Variants in SIAH3 observed in about 807,000 individuals in gnomAD.
SIAH3 encodes the protein seven in absentia homolog 3.
SIAH3 carries 9 observed loss-of-function variants against 12.6 expected under a neutral mutation model. The ratio of observed to expected loss-of-function variants is 0.72; its 90% CI spans 0.43 to 1.25. SIAH3 has a LOEUF of 1.25. SIAH3 is among the 50% of genes most tolerant of loss of function. SIAH3 has a pLI of 0.00. For synonymous variants in SIAH3, 154 were observed against 151.1 expected (o/e 1.02, Z -0.14); for missense variants, 390 against 365.4 (o/e 1.07, Z -0.55).
chr13:45,841,383 C>T (rs942734116), intron 1 of SIAH3, among the ~76,000 whole-genome samples: 1 of 152,186 alleles, frequency 6.6e-6, no homozygotes, highest in Non-Finnish European at 1.5e-5. Flanking sequence ...CTGCAGTGGC[C>T]CATCTCTTCT....
At chr13:45,834,856 C>T (rs946892404) in intron 1 of SIAH3, among the ~76,000 whole-genome samples, 1 of 152,122 alleles carries the variant, frequency 6.6e-6, no homozygotes, top group Non-Finnish European at 1.5e-5. Flanking sequence ...GCCTCAGATC[C>T]CTCATCTATA....
rs1045490838 is a variant in SIAH3, at chr13:45,781,025, GATA to G, written c.*2355_*2357del. On this transcript the variant is annotated 3_prime_UTR_variant, in exon 2 of 2. Transcript: ENST00000400405. The stretch of plus-strand genomic sequence containing the variant: ...CTTTTGGGGAGCACCATAGATGGAA[GATA>G]ATAATACATTTCCCATGCTTTGTCC... 2 of 152,580 alleles carry G rather than the reference GATA, an allele frequency of 1.3e-5. No individual in the cohort carries two copies. The highest frequency in any genetic ancestry group is 2.9e-5 in the Non-Finnish European group (2 of 68,030). The allele number at this position is 152,580 out of a possible 1,614,324, so 9.5% of individuals were successfully genotyped here.
At chr13:45,812,914 G>C (rs1042814750) in intron 1 of SIAH3, among the ~76,000 whole-genome samples, 1 of 152,250 alleles carries the variant, frequency 6.6e-6, no homozygotes, top group Non-Finnish European at 1.5e-5. Context: ...AAAGGTGCAA[G>C]TCTCCTCCTG....
chr13:45,801,291 A>C (rs1186268879), intron 1 of SIAH3, among the ~76,000 whole-genome samples: 1 of 152,240 alleles, frequency 6.6e-6, no homozygotes, highest in Non-Finnish European at 1.5e-5. Flanking sequence ...GGTCAGAAAC[A>C]ATAGAGGAAC....
intron 1 of SIAH3, among the ~76,000 whole-genome samples, chr13:45,826,598 C>T (rs1394217518): frequency 4.6e-5 from 7 of 152,102 alleles, no homozygotes; most frequent in Admixed American, 4.6e-4. Context: ...TACCTTATCA[C>T]GTGCCTCCTG....
intron 1 of SIAH3, among the ~76,000 whole-genome samples, chr13:45,841,737 G>A (rs1950740747): frequency 6.6e-6 from 1 of 152,190 alleles, no homozygotes; most frequent in African/African-American, 2.4e-5. Context: ...GATCCATCCT[G>A]CTGTTTGAAG....
chr13:45,790,477 A>G (rs1471971270), intron 1 of SIAH3, among the ~76,000 whole-genome samples: 38 of 152,306 alleles, frequency 2.5e-4, no homozygotes, highest in Non-Finnish European at 5.9e-5. Context: ...CTGAAAAAAA[A>G]AATACATCTC....
In SIAH3 at chr13:45,784,411, T is replaced by TG. The variant is rs201113258; in HGVS notation, c.136-355_136-354insC. Among the ~76,000 whole-genome samples, 531 of 150,086 alleles carry TG rather than the reference T, an allele frequency of 3.5e-3. 3 individuals are homozygous for TG. The highest frequency in any genetic ancestry group is 9.6e-3 in the East Asian group (49 of 5,098). ...ACAAAGACAGCTGTTTTTTTTTTTT[T>TG]TTTTTTTTTTGCTTTTTTGATATTG... On this transcript the variant is annotated intron_variant, in intron 1 of 1. Coordinates refer to ENST00000400405, the MANE Select transcript of SIAH3 (RefSeq NM_198849.3).
At chr13:45,851,272 G>T (rs1239343225) in intron 1 of SIAH3, among the ~76,000 whole-genome samples, 2 of 152,066 alleles carry the variant, frequency 1.3e-5, no homozygotes, top group Admixed American at 1.3e-4. Flanking sequence ...CATCAATCCA[G>T]CTTTTCCTGC....
chr13:45,792,500 G>A (rs1950549127), intron 1 of SIAH3, among the ~76,000 whole-genome samples: 1 of 152,042 alleles, frequency 6.6e-6, no homozygotes, highest in African/African-American at 2.4e-5. Context: ...TGGGATTACA[G>A]ACAGGTGCCA....
intron 1 of SIAH3, among the ~76,000 whole-genome samples, chr13:45,802,216 G>A (rs574416864): frequency 8.5e-5 from 13 of 152,300 alleles, no homozygotes; most frequent in African/African-American, 3.1e-4. Context: ...TGAGGCAAGA[G>A]AACCTCTTGA....
intron 1 of SIAH3, among the ~76,000 whole-genome samples, chr13:45,838,150 G>A (rs7334191): frequency 0.044 from 6,554 of 149,100 alleles, 443 homozygotes; most frequent in African/African-American, 0.15. Flanking sequence ...CTTCTCATCT[G>A]ACAGATGAAG....
intron 1 of SIAH3, among the ~76,000 whole-genome samples, chr13:45,806,196 C>T (rs993040183): frequency 3.3e-5 from 5 of 152,128 alleles, no homozygotes; most frequent in African/African-American, 1.2e-4. Context: ...TACCATTTGA[C>T]CCAGCAATTC....
intron 1 of SIAH3, among the ~76,000 whole-genome samples, chr13:45,784,396 C>CTTTTTTTTTTTT (rs1555256292): frequency 2.0e-5 from 2 of 102,014 alleles, no homozygotes; most frequent in Admixed American, 9.7e-5. Context: ...ACAAAGACAG[C>CTTTTTTTTTTTT]TGTTTTTTTT....
At chr13:45,795,398 C>T (rs1193386610) in intron 1 of SIAH3, among the ~76,000 whole-genome samples, 1 of 152,166 alleles carries the variant, frequency 6.6e-6, no homozygotes, top group Non-Finnish European at 1.5e-5. Context: ...ATCTGTGACA[C>T]CAGGTAGGTG....
chr13:45,787,094 T>C (rs1416713995), intron 1 of SIAH3, among the ~76,000 whole-genome samples: 3 of 152,034 alleles, frequency 2.0e-5, no homozygotes, highest in Admixed American at 6.5e-5. Flanking sequence ...AGCAGAAACC[T>C]ACCAGCAAAG....
In SIAH3 at chr13:45,851,417, T is replaced by C. The variant is rs200976253; in HGVS notation, c.135+78A>G. ...CGGGTTTGCAAAGGGCTGCACACGT[T>C]CGCCGGAGGGTCGCTGCCGCCTCCG... On this transcript the variant is annotated intron_variant, in intron 1 of 1. Coordinates refer to ENST00000400405, the MANE Select transcript of SIAH3 (RefSeq NM_198849.3). 441 of 1,589,132 alleles carry C rather than the reference T, an allele frequency of 2.8e-4. 3 individuals carry two copies. In the East Asian group the frequency reaches 9.8e-3, roughly 35 times the overall value.
At chr13:45,832,555 T>C (rs67884693) in intron 1 of SIAH3, among the ~76,000 whole-genome samples, 14,007 of 152,288 alleles carry the variant, frequency 0.092, 931 homozygotes, top group East Asian at 0.36. Context: ...TCCCATTGTA[T>C]GTATCTGCCA....
In SIAH3 at chr13:45,784,396, CTGTTTTTTT is replaced by C. The variant is rs1327579658; in HGVS notation, c.136-348_136-340del. Among the ~76,000 whole-genome samples the C allele has an allele frequency of 2.5e-3, 252 of 102,034 alleles. 3 individuals are homozygous for C. The highest frequency in any genetic ancestry group is 0.022 in the Admixed American group (226 of 10,370). The allele number at this position is 102,034 out of a possible 152,430, so 66.9% of individuals were successfully genotyped here. ...CATCAATCACAAAGAACAAAGACAGCTGTTTTTTTTTTTTTTTTTTTTTTTGCTTTTTTG... is the reference window on the plus strand; with the variant it reads ...CATCAATCACAAAGAACAAAGACAGCTTTTTTTTTTTTTTTTGCTTTTTTG... On this transcript the variant is annotated intron_variant, in intron 1 of 1. Coordinates refer to ENST00000400405, the MANE Select transcript of SIAH3 (RefSeq NM_198849.3).
Sources: gnomAD v4.1 joint callset for allele counts (sites outside exome capture counted in the v4.1 genomes callset) on GRCh38, gnomAD v4.1.1 for gene constraint, MANE v1.5 for transcripts, NCBI Gene and HGNC (gene_info 2026-07-23, HGNC 2026-07-21) for gene names.